The following CECR2 variants were observed in gnomAD, a reference collection of about 807,000 sequenced individuals.
CECR2 encodes the protein chromatin remodeling regulator CECR2.
Under a neutral mutation model 154.5 loss-of-function variants are expected in CECR2, and 30 were observed. The observed-to-expected ratio is 0.19, with a 90% confidence interval of 0.15 to 0.26. CECR2 has a LOEUF of 0.26. Among genes scored for constraint, CECR2 ranks in the 10% least tolerant of loss-of-function variants. CECR2 has a pLI of 1.00. For missense variants in CECR2, 1,743 were observed against 1,829.3 expected (o/e 0.95, Z 0.86); for synonymous variants, 725 against 683.7 (o/e 1.06, Z -0.94).
chr22:17,530,054 G>T (rs2056329595), intron 9 of CECR2, among the ~76,000 whole-genome samples: 1 of 152,086 alleles, frequency 6.6e-6, no homozygotes, highest in Admixed American at 6.6e-5. Flanking sequence ...TGACTGAGAA[G>T]AAATTTCATA....
At chr22:17,363,045 C>T (rs78942735) in intron 1 of CECR2, among the ~76,000 whole-genome samples, 3 of 111,038 alleles carry the variant, frequency 2.7e-5, no homozygotes, top group Non-Finnish European at 5.7e-5. Flanking sequence ...CCATTTCCTT[C>T]TTCTTTTTTT....
chr22:17,383,513 A>G (rs1196133483), intron 1 of CECR2, among the ~76,000 whole-genome samples: 1 of 152,154 alleles, frequency 6.6e-6, no homozygotes, highest in Non-Finnish European at 1.5e-5. Context: ...GTGCCTCAAC[A>G]AACTACTTTT....
intron 8 of CECR2, among the ~76,000 whole-genome samples, chr22:17,515,175 A>T (rs2146936709): frequency 6.6e-6 from 1 of 152,312 alleles, no homozygotes; most frequent in South Asian, 2.1e-4. Context: ...ACCCATGCTG[A>T]TGAAAGAAAA....
chr22:17,464,615 G>C (rs1045521553), intron 1 of CECR2, among the ~76,000 whole-genome samples: 1 of 151,966 alleles, frequency 6.6e-6, no homozygotes, highest in Non-Finnish European at 1.5e-5. Flanking sequence ...TCCTCCCTCT[G>C]CAGCCTCCTG....
chr22:17,459,660 A>G (rs1484065828), intron 1 of CECR2, among the ~76,000 whole-genome samples: 1 of 152,218 alleles, frequency 6.6e-6, no homozygotes, highest in African/African-American at 2.4e-5. Flanking sequence ...ATAGAAAAAG[A>G]GAACAATGAA....
At chr22:17,524,383 A>ATTTATTTTTT (rs1569141166) in intron 9 of CECR2, 112 bp downstream of exon 9, 30 of 666,418 alleles carry the variant, frequency 4.5e-5, no homozygotes, top group Non-Finnish European at 6.0e-5. Context: ...GTTTCCGGCA[A>ATTTATTTTTT]TTTCTTTTTT....
intron 2 of CECR2, among the ~76,000 whole-genome samples, chr22:17,494,784 T>A (rs2055592915): frequency 1.3e-5 from 2 of 152,132 alleles, no homozygotes; most frequent in Admixed American, 6.5e-5. Context: ...AAACTCTGCC[T>A]CCCAGGTTCA....
chr22:17,368,384 C>T (rs758039148), upstream of CECR2, among the ~76,000 whole-genome samples: 12 of 152,118 alleles, frequency 7.9e-5, no homozygotes, highest in Non-Finnish European at 1.3e-4. Flanking sequence ...AAAGGTGGAC[C>T]ACCGAACTCA....
chr22:17,492,764 A>G (rs1409768080), intron 2 of CECR2, among the ~76,000 whole-genome samples: 1 of 152,202 alleles, frequency 6.6e-6, no homozygotes, highest in Non-Finnish European at 1.5e-5. Context: ...CTATTTTTAA[A>G]TGAAATGTTT....
At chr22:17,505,771 C>A (rs984481832) in intron 7 of CECR2, among the ~76,000 whole-genome samples, 5 of 147,952 alleles carry the variant, frequency 3.4e-5, no homozygotes, top group African/African-American at 1.2e-4. Flanking sequence ...CTCCTGACCT[C>A]AAGTGATATA....
At chr22:17,380,650 C>T (rs1353723208) in intron 1 of CECR2, among the ~76,000 whole-genome samples, 1 of 152,208 alleles carries the variant, frequency 6.6e-6, no homozygotes, top group Non-Finnish European at 1.5e-5. Flanking sequence ...CCTCCCCACC[C>T]ATCACCTCCA....
intron 8 of CECR2, among the ~76,000 whole-genome samples, chr22:17,517,037 C>T (rs2056070114): frequency 6.6e-6 from 1 of 152,076 alleles, no homozygotes; most frequent in African/African-American, 2.4e-5. Flanking sequence ...TGCCACCACG[C>T]CTGGCTAATT....
intron 1 of CECR2, among the ~76,000 whole-genome samples, chr22:17,452,676 C>T (rs376460086): frequency 3.0e-4 from 46 of 152,074 alleles, no homozygotes; most frequent in African/African-American, 9.4e-4. Flanking sequence ...TATCTGTATT[C>T]GGGTTTTGGA....
intron 1 of CECR2, among the ~76,000 whole-genome samples, chr22:17,457,585 C>T (rs1013364032): frequency 9.2e-5 from 14 of 152,218 alleles, no homozygotes; most frequent in South Asian, 2.1e-4. Flanking sequence ...AACAGCTAGA[C>T]GGTTGCCTTG....
chr22:17,360,126 C>G (rs1242694639), intron 1 of CECR2: 1 of 152,196 alleles, frequency 6.6e-6, no homozygotes, highest in East Asian at 1.9e-4. Flanking sequence ...TTATGGAAAT[C>G]ACTGAAAAGT....
intron 2 of CECR2, among the ~76,000 whole-genome samples, chr22:17,490,250 C>G (rs76005772): frequency 0.012 from 1,758 of 151,834 alleles, 31 homozygotes; most frequent in African/African-American, 0.041. Flanking sequence ...CATTTTGTCT[C>G]ATGGGTTGTG....
chr22:17,539,078 C>A lies in CECR2; in HGVS notation c.1454C>A (p.Thr485Asn), dbSNP rs371376833. The A allele has an allele frequency of 1.9e-6, 3 of 1,613,666 alleles. No homozygotes were observed. Among genetic ancestry groups the A allele is most frequent in the Non-Finnish European group, 2.5e-6 (3 of 1,179,754 alleles). ...TKEEFVNDMK[T>N]MFRNCRKYNG... ...GAGGAATTTGTAAATGACATGAAGA[C>A]CATGTTCAGGAATTGTCGAAAGTAT... is the stretch of plus-strand genomic sequence containing the variant. The change falls in exon 13 of 19, where the codon ACC becomes AAC. Residue 485 changes from threonine to asparagine, a missense_variant. This residue lies in a region of CECR2 where 103 missense variants were observed against 166.8 expected (regional missense o/e 0.62). Coordinates refer to ENST00000262608, the MANE Select transcript of CECR2 (RefSeq NM_001290047.2).
chr22:17,370,322 G>A (rs1477960699), intron 1 of CECR2, among the ~76,000 whole-genome samples: 2 of 150,174 alleles, frequency 1.3e-5, no homozygotes, highest in African/African-American at 2.4e-5. Context: ...CCGGGCGCGG[G>A]GGGGGGGCCC....
intron 9 of CECR2, among the ~76,000 whole-genome samples, chr22:17,531,515 C>T (rs2056355181): frequency 6.6e-6 from 1 of 152,162 alleles, no homozygotes; most frequent in Non-Finnish European, 1.5e-5. Context: ...CAAAGCAGAA[C>T]ATGAAAATTG....
Sources: allele counts gnomAD v4.1 joint callset (sites outside exome capture counted in the v4.1 genomes callset), GRCh38; gene constraint gnomAD v4.1.1; regional missense constraint gnomAD v4.1.1; transcripts MANE v1.5; gene names NCBI Gene and HGNC (gene_info 2026-07-23, HGNC 2026-07-21).